Variants in TRPC4AP observed in about 807,000 individuals in gnomAD.
TRPC4AP encodes short transient receptor potential channel 4-associated protein.
Under a neutral mutation model 99.0 loss-of-function variants are expected in TRPC4AP, and 45 were observed. The ratio of observed to expected loss-of-function variants is 0.45; its 90% CI spans 0.36 to 0.58. The LOEUF (loss-of-function observed/expected upper bound fraction) is 0.58. Among genes scored for constraint, TRPC4AP ranks in the 20% least tolerant of loss-of-function variants. The pLI, the probability that TRPC4AP is intolerant of heterozygous loss-of-function variation, is 0.00. For synonymous variants in TRPC4AP, 408 were observed against 385.8 expected, an observed-to-expected ratio of 1.06 and a Z score of -0.67; for missense variants, 879 against 985.3, an observed-to-expected ratio of 0.89 and a Z score of 1.44.
chr20:35,055,785 T>C (rs568762655), intron 4 of TRPC4AP, among the ~76,000 whole-genome samples: 1 of 152,382 alleles, frequency 6.6e-6, no homozygotes, highest in African/African-American at 2.4e-5. Context: ...AGCATTTCTT[T>C]TTTTGTTGCT....
At chr20:35,008,615 C>G (rs2082563526) in intron 13 of TRPC4AP, 49 bp downstream of exon 13, 1 of 1,554,412 alleles carries the variant, frequency 6.4e-7, no homozygotes, top group Non-Finnish European at 8.8e-7. Flanking sequence ...TGAGAAACAC[C>G]TGGCTCTGCA....
At chr20:35,050,923 G>C (rs754914726) in intron 5 of TRPC4AP, among the ~76,000 whole-genome samples, 1 of 152,050 alleles carries the variant, frequency 6.6e-6, no homozygotes, top group Non-Finnish European at 1.5e-5. Flanking sequence ...CTTGAGGCCA[G>C]GAGTGTGAGG....
chr20:35,009,620 G>C (rs1282128751), intron 12 of TRPC4AP, among the ~76,000 whole-genome samples: 1 of 152,238 alleles, frequency 6.6e-6, no homozygotes, highest in Non-Finnish European at 1.5e-5. Context: ...TGCAGCCTGA[G>C]AGAAAGAGCA....
chr20:35,022,108 G>GT (rs11418092), intron 8 of TRPC4AP, among the ~76,000 whole-genome samples: 6,814 of 152,214 alleles, frequency 0.045, 510 homozygotes, highest in African/African-American at 0.16. Context: ...GAATGGGAAC[G>GT]TAAGAGAAGC....
chr20:35,036,472 A>G (rs2083321023), intron 7 of TRPC4AP, among the ~76,000 whole-genome samples: 1 of 152,190 alleles, frequency 6.6e-6, no homozygotes, highest in South Asian at 2.1e-4. Context: ...ATAAATAACT[A>G]GATATTTCAG....
Position 35,004,542 on chromosome 20 carries a change from C to T in TRPC4AP, c.1965G>A (p.Leu655=), listed in dbSNP as rs777973975. The change falls in exon 17 of 19, where the codon CTG becomes CTA. Residue 655 remains leucine, a synonymous_variant. Coordinates refer to ENST00000252015, the MANE Select transcript of TRPC4AP (RefSeq NM_015638.3). ...KVAEVLSECR[L]LAYISQVPTQ... is the part of the protein sequence containing the mutation. ...TGGGCACCTGGGATATGTAGGCGAG[C>T]AGGCGGCATTCAGACAGTACCTCGG... is the stretch of plus-strand genomic sequence containing the variant. 3.7e-6 allele frequency: 6 copies of T among 1,613,928 alleles called. No individual in the cohort carries two copies. The highest frequency in any genetic ancestry group is 5.1e-6 in the Non-Finnish European group (6 of 1,179,950).
At chr20:35,013,942 G>T (rs750810594) in intron 10 of TRPC4AP, among the ~76,000 whole-genome samples, 4 of 152,218 alleles carry the variant, frequency 2.6e-5, no homozygotes, top group Admixed American at 2.6e-4. Flanking sequence ...GGGCTCATAC[G>T]ACTGGGGCAG....
intron 8 of TRPC4AP, among the ~76,000 whole-genome samples, chr20:35,026,796 GTATTT>G (rs1376000209): frequency 5.3e-5 from 8 of 151,928 alleles, no homozygotes; most frequent in Non-Finnish European, 1.2e-4. Context: ...AAGTTCCTAA[GTATTT>G]TATTTTTTTG....
At chr20:35,078,979 C>T (rs891637192) in intron 1 of TRPC4AP, among the ~76,000 whole-genome samples, 9 of 152,036 alleles carry the variant, frequency 5.9e-5, no homozygotes, top group Non-Finnish European at 1.3e-4. Flanking sequence ...GGCAGGAGAA[C>T]CGCTTGAACT....
At chr20:35,090,468 G>A (rs1043346690) in intron 1 of TRPC4AP, among the ~76,000 whole-genome samples, 1 of 137,280 alleles carries the variant, frequency 7.3e-6, no homozygotes, top group African/African-American at 2.8e-5. Flanking sequence ...CCACCTCCCA[G>A]GTTCAAGCAA....
At chr20:35,049,474 A>G (rs1257127075) in intron 6 of TRPC4AP, among the ~76,000 whole-genome samples, 1 of 87,196 alleles carries the variant, frequency 1.1e-5, no homozygotes, top group Non-Finnish European at 2.4e-5. Context: ...GCTTCACACC[A>G]GTTCAGATAG....
chr20:35,059,782 G>A (rs2083939143), intron 3 of TRPC4AP, among the ~76,000 whole-genome samples: 1 of 140,172 alleles, frequency 7.1e-6, no homozygotes, highest in Non-Finnish European at 1.5e-5. Flanking sequence ...AGACAAAGAA[G>A]ATGAAGAAGA....
At chr20:35,058,656 T>C (rs561544896) in intron 3 of TRPC4AP, among the ~76,000 whole-genome samples, 1 of 151,274 alleles carries the variant, frequency 6.6e-6, no homozygotes, top group African/African-American at 2.4e-5. Flanking sequence ...GGGAAATTTA[T>C]AGCTGTAAAT....
In TRPC4AP at chr20:35,006,620, C is replaced by G. The variant is rs993961681; in HGVS notation, c.1687-45G>C. ...GTGAAGGTGTCAACGTGGCTGCCCC[C>G]ACCAGGGCCTGGCATGGAGCTCAGA... On this transcript the variant is annotated intron_variant, in intron 14 of 18. Coordinates refer to ENST00000252015, the MANE Select transcript of TRPC4AP (RefSeq NM_015638.3). 4 of 1,599,200 alleles carry G rather than the reference C, an allele frequency of 2.5e-6. No homozygotes were observed. The African/African-American group carries it at 4.0e-5, about 16-fold the overall frequency.
intron 1 of TRPC4AP, among the ~76,000 whole-genome samples, chr20:35,092,260 TACA>T (rs2085091757): frequency 1.3e-5 from 2 of 151,898 alleles, no homozygotes; most frequent in Non-Finnish European, 2.9e-5. Context: ...CCACGCCCAA[TACA>T]CGGGATAAAC....
intron 6 of TRPC4AP, among the ~76,000 whole-genome samples, 199 bp downstream of exon 6, chr20:35,049,667 A>G (rs941113655): frequency 8.5e-5 from 13 of 152,208 alleles, no homozygotes; most frequent in African/African-American, 3.1e-4. Context: ...TTTGATTTCA[A>G]TGTATGTCTG....
At chr20:35,005,839 T>A (rs1329462095) in intron 15 of TRPC4AP, 36 bp from the exon 16 acceptor site, 16 of 1,602,494 alleles carry the variant, frequency 1.0e-5, no homozygotes, top group Non-Finnish European at 1.4e-5. Flanking sequence ...GGCAGTGGGC[T>A]GCTGGCCAGG....
chr20:35,029,722 G>A (rs1279308507), intron 8 of TRPC4AP, among the ~76,000 whole-genome samples: 45 of 128,940 alleles, frequency 3.5e-4, no homozygotes, highest in South Asian at 1.8e-3. Flanking sequence ...TGCAAGCTCC[G>A]CCTCCTGGGT....
rs71196792 is a variant in TRPC4AP at position 35,090,377 on chromosome 20, C to CTTTTTTTTTTTTT, written c.168+2224_168+2236dup. On this transcript the variant is annotated intron_variant, in intron 1 of 18. Coordinates refer to ENST00000252015, the MANE Select transcript of TRPC4AP (RefSeq NM_015638.3). ...TTCCAGCAGCCTTGTATCTGGTGAG[C>CTTTTTTTTTTTTT]TTTTTTTTTTTTTTTTTGAGATGAA... Among the ~76,000 whole-genome samples, 41 of 88,978 alleles carry CTTTTTTTTTTTTT rather than the reference C, an allele frequency of 4.6e-4. 8 individuals carry two copies. The highest frequency in any genetic ancestry group is 1.3e-3 in the African/African-American group (29 of 21,608). The allele number at this position is 88,978 out of a possible 152,430, so 58.4% of individuals were successfully genotyped here.
Sources: allele counts gnomAD v4.1 joint callset (sites outside exome capture counted in the v4.1 genomes callset), GRCh38; gene constraint gnomAD v4.1.1; transcripts MANE v1.5; gene names NCBI Gene and HGNC (gene_info 2026-07-23, HGNC 2026-07-21).